Variants in RBFOX1 observed in about 807,000 individuals in gnomAD.
RBFOX1 encodes the protein RNA binding protein fox-1 homolog 1.
A neutral mutation model predicts 57.7 loss-of-function variants in RBFOX1; 8 were observed. The ratio of observed to expected loss-of-function variants is 0.14; its 90% CI spans 0.08 to 0.25. RBFOX1 has a LOEUF of 0.25. RBFOX1 is among the 10% of genes least tolerant of loss of function. The probability of loss-of-function intolerance (pLI) is 1.00; values close to 1 mark genes in which losing one functional copy is unlikely to be tolerated. For missense variants in RBFOX1, 611 were observed against 548.5 expected, an observed-to-expected ratio of 1.11 and a Z score of -1.14; for synonymous variants, 326 against 222.4, an observed-to-expected ratio of 1.47 and a Z score of -4.15.
At chr16:7,008,314 G>A (rs1018903762) in intron 3 of RBFOX1, among the ~76,000 whole-genome samples, 1 of 152,146 alleles carries the variant, frequency 6.6e-6, no homozygotes, top group South Asian at 2.1e-4. Flanking sequence ...GACTGAGGCA[G>A]GTGGATCACC....
chr16:7,143,223 G>T (rs373052052), intron 4 of RBFOX1, among the ~76,000 whole-genome samples: 1 of 151,968 alleles, frequency 6.6e-6, no homozygotes, highest in East Asian at 1.9e-4. Flanking sequence ...CATTTTCTTT[G>T]TGTTTTGATC....
intron 4 of RBFOX1, among the ~76,000 whole-genome samples, chr16:5,939,714 G>A (rs1457392335): frequency 6.6e-6 from 1 of 152,142 alleles, no homozygotes; most frequent in East Asian, 1.9e-4. Flanking sequence ...AAAAAAAAGT[G>A]TCAGCAAATC....
Position 7,183,638 on chromosome 16 carries a change from G to A in RBFOX1, c.27+131540G>A, listed in dbSNP as rs114870065. 2.7e-3 allele frequency among the ~76,000 whole-genome samples: 410 copies of A among 152,316 alleles called. 3 individuals carry two copies. Among genetic ancestry groups the A allele is most frequent in the African/African-American group, 9.4e-3 (391 of 41,570 alleles). ...ATTAATAATCTCTTAGGGTCCCGAA[G>A]CAGGAACATGTATGAGAATACAGAA... On this transcript the variant is annotated intron_variant, in intron 4 of 15. Coordinates refer to ENST00000550418, the MANE Select transcript of RBFOX1 (RefSeq NM_018723.4).
intron 4 of RBFOX1, among the ~76,000 whole-genome samples, chr16:7,392,043 C>T (rs932712977): frequency 7.9e-5 from 12 of 152,218 alleles, no homozygotes; most frequent in African/African-American, 2.7e-4. Flanking sequence ...ATGCTTTGCT[C>T]ATTTGCCACC....
intron 3 of RBFOX1, among the ~76,000 whole-genome samples, chr16:6,972,415 G>A (rs750552843): frequency 2.6e-5 from 4 of 151,918 alleles, no homozygotes; most frequent in Non-Finnish European, 4.4e-5. Context: ...GGTGTAGGAT[G>A]TTTCTTCGTT....
rs144226051 is a variant in RBFOX1, at chr16:7,027,228, T to C, written c.-15-24829T>C. 5.3e-3 allele frequency among the ~76,000 whole-genome samples: 800 copies of C among 152,240 alleles called. 9 individuals carry two copies. Among genetic ancestry groups the C allele is most frequent in the East Asian group, 0.025 (128 of 5,170 alleles). On this transcript the variant is annotated intron_variant, in intron 3 of 15. Coordinates refer to ENST00000550418, the MANE Select transcript of RBFOX1 (RefSeq NM_018723.4). ...CTCTCCAGCGCACAGAAAAAACTCA[T>C]AAATATTTGTTCAACTAATAAACAA...
rs554274612 is a variant in RBFOX1, at chr16:7,001,116, T to C, written c.-15-50941T>C. ...CATGTGAGAAAAATAGGGGCATCTG[T>C]ATCTTCCTTCATTTTTTTCCAGTTT... is the stretch of plus-strand genomic sequence containing the variant. On this transcript the variant is annotated intron_variant, in intron 3 of 15. Transcript: ENST00000550418. Among the ~76,000 whole-genome samples, 17 of 152,280 alleles carry C rather than the reference T, an allele frequency of 1.1e-4. No individual in the cohort carries two copies. The South Asian group carries it at 2.9e-3, about 26-fold the overall frequency.
rs535884314 is a variant in RBFOX1, at chr16:5,920,025, C to T, written c.351+52690C>T. ...GCGATCTCACTGCAAGCTCCGCCTC[C>T]GGGCTTCACGTCATTCTCCTGCCTC... On this transcript the variant is annotated intron_variant, in intron 4 of 19. Transcript: ENST00000641259. 2.4e-4 allele frequency among the ~76,000 whole-genome samples: 37 copies of T among 152,342 alleles called. No homozygotes were observed. The East Asian group carries it at 4.1e-3, about 17-fold the overall frequency.
intron 3 of RBFOX1, among the ~76,000 whole-genome samples, chr16:5,645,909 C>T (rs746992221): frequency 7.9e-5 from 12 of 152,178 alleles, no homozygotes; most frequent in Non-Finnish European, 1.5e-4. Context: ...CATCATAGCT[C>T]ACTGCAGCCT....
At chr16:5,303,009 G>A (rs1030263998) in intron 1 of RBFOX1, among the ~76,000 whole-genome samples, 40 of 152,122 alleles carry the variant, frequency 2.6e-4, no homozygotes, top group Admixed American at 5.2e-4. Context: ...TTGTTCTTCC[G>A]TTTCTCTTTT....
chr16:5,422,361 AG>A (rs2067358870), intron 1 of RBFOX1, among the ~76,000 whole-genome samples: 1 of 83,064 alleles, frequency 1.2e-5, no homozygotes, highest in Non-Finnish European at 2.6e-5. Context: ...AGAAGGAGGG[AG>A]CAGGGAGGAG....
At chr16:7,389,837 G>A (rs1228969685) in intron 4 of RBFOX1, among the ~76,000 whole-genome samples, 2 of 152,016 alleles carry the variant, frequency 1.3e-5, no homozygotes, top group African/African-American at 4.8e-5. Flanking sequence ...AATCTTTATG[G>A]CACCCTGCAA....
At chr16:5,456,217 C>T (rs956909800) in intron 1 of RBFOX1, among the ~76,000 whole-genome samples, 7 of 151,998 alleles carry the variant, frequency 4.6e-5, no homozygotes, top group African/African-American at 1.7e-4. Context: ...GTTGAAATGT[C>T]ATTTCAACAG....
At chr16:5,460,799 G>T (rs1333263013) in intron 1 of RBFOX1, among the ~76,000 whole-genome samples, 1 of 152,204 alleles carries the variant, frequency 6.6e-6, no homozygotes, top group Admixed American at 6.5e-5. Flanking sequence ...ATTCGAGGAA[G>T]GCACAAAGGA....
chr16:6,836,368 C>G lies in RBFOX1; in HGVS notation c.-16+181718C>G, dbSNP rs55812776. Among the ~76,000 whole-genome samples, 1,062 of 152,282 alleles carry G rather than the reference C, an allele frequency of 7.0e-3. 13 individuals carry two copies. Among genetic ancestry groups the G allele is most frequent in the African/African-American group, 0.024 (1,000 of 41,548 alleles). On this transcript the variant is annotated intron_variant, in intron 3 of 15. Transcript: ENST00000550418. ...TGAAGTTAGAAACTGAAACACACAG[C>G]AACAGAAGCAACCAGAAACCCCATA...
At chr16:7,574,283 T>C (rs1243107658) in intron 5 of RBFOX1, among the ~76,000 whole-genome samples, 4 of 152,170 alleles carry the variant, frequency 2.6e-5, no homozygotes, top group African/African-American at 9.7e-5. Context: ...GAGAGTCTCA[T>C]TGAAGTGACA....
chr16:5,621,822 C>G (rs1040135507), intron 3 of RBFOX1, among the ~76,000 whole-genome samples: 25 of 152,246 alleles, frequency 1.6e-4, no homozygotes, highest in East Asian at 1.4e-3. Context: ...AAATGTGTAT[C>G]TATCCAGGTA....
chr16:7,484,461 T>C (rs1266559423), intron 4 of RBFOX1, among the ~76,000 whole-genome samples: 2 of 152,124 alleles, frequency 1.3e-5, no homozygotes, highest in Non-Finnish European at 2.9e-5. Flanking sequence ...CATTGTAGCA[T>C]TGGGTATTTA....
At chr16:5,432,310 A>G (rs565775129) in intron 1 of RBFOX1, among the ~76,000 whole-genome samples, 2 of 141,744 alleles carry the variant, frequency 1.4e-5, no homozygotes, top group East Asian at 2.1e-4. Flanking sequence ...CCTCGCCGCA[A>G]GAAGCCTGTT....
Sources: allele counts gnomAD v4.1 joint callset (sites outside exome capture counted in the v4.1 genomes callset), GRCh38; gene constraint gnomAD v4.1.1; transcripts MANE v1.5; gene names NCBI Gene and HGNC (gene_info 2026-07-23, HGNC 2026-07-21).